Variants in CCNL2 observed in about 807,000 individuals in gnomAD.
CCNL2 encodes cyclin-L2.
CCNL2 carries 28 observed loss-of-function variants against 59.1 expected under a neutral mutation model. The ratio of observed to expected loss-of-function variants is 0.47; its 90% CI spans 0.35 to 0.65. CCNL2 has a LOEUF of 0.65. Among genes scored for constraint, CCNL2 ranks in the 30% least tolerant of loss-of-function variants. CCNL2 has a pLI of 0.00. For missense variants in CCNL2, 714 were observed against 717.4 expected (o/e 1.00, Z 0.05); for synonymous variants, 342 against 288.6 (o/e 1.19, Z -1.88).
In CCNL2 at chr1:1,387,959, C is replaced by A. The variant is rs1207337890; in HGVS notation, c.1113G>T (p.Val371=). ...GGGCAGCCCTGGGGTCCTACCCGTT[C>A]ACGGGGCTGTCCGCCTTGGCTTTCT... The part of the protein sequence containing the change: ...GAKKAKADSP[V]NGLPKGRESR... The change falls in exon 9 of 11, where the codon GTG becomes GTT. Residue 371 remains valine (V), a synonymous_variant. Coordinates refer to ENST00000400809, the MANE Select transcript of CCNL2 (RefSeq NM_030937.6). 6.2e-7 allele frequency: 1 copy of A among 1,614,064 alleles called. No homozygotes were observed. Among genetic ancestry groups the A allele is most frequent in the Admixed American group, 1.7e-5 (1 of 60,034 alleles).
chr1:1,398,202 A>G (rs1645154362), intron 3 of CCNL2, 31 bp downstream of exon 3: 3 of 1,604,812 alleles, frequency 1.9e-6, no homozygotes, highest in Non-Finnish European at 2.6e-6. Context: ...ATAGGCATCT[A>G]TGATAGACTA....
chr1:1,387,239 G>A lies in CCNL2; in HGVS notation c.1555C>T (p.Arg519Trp), dbSNP rs754399672. The A allele has an allele frequency of 1.1e-5, 17 of 1,601,488 alleles. No homozygotes were observed. The highest frequency in any genetic ancestry group is 3.3e-5 in the South Asian group (3 of 90,998). The change falls in exon 11 of 11, where the codon CGG becomes TGG. Residue 519 changes from arginine to tryptophan, a missense_variant. Coordinates refer to ENST00000400809, the MANE Select transcript of CCNL2 (RefSeq NM_030937.6). ...GTCACTGCAACCCCGCCTCACCTCC[G>A]ATGCCTGCTGTGCCCAGGGTGGTCC... The part of the protein sequence containing the change: ...ERDHPGHSRH[R>W]R
chr1:1,398,455 A>C, intron 2 of CCNL2, 113 bp from the exon 3 acceptor site: 1 of 1,571,960 alleles, frequency 6.4e-7, no homozygotes. Context: ...CCAGGGGAAA[A>C]AAAAAGTCAA....
At chr1:1,397,072 G>A (rs111376007) in intron 3 of CCNL2, among the ~76,000 whole-genome samples, 3,159 of 152,204 alleles carry the variant, frequency 0.021, 79 homozygotes, top group African/African-American at 0.056. Context: ...AATAGGGACA[G>A]GGTTTCACCA....
chr1:1,399,047 G>A lies in CCNL2; in HGVS notation c.260C>T (p.Ala87Val), dbSNP rs779930541. ...LRVVGCELIQ[A>V]AGILLRLPQV... The stretch of plus-strand genomic sequence containing the variant: ...CGGCAGGCGGAGCAGGATACCGGCC[G>A]CCTGGATGAGCTCGCAGCCCACCAC... The change falls in exon 1 of 11, where the codon GCG becomes GTG. Residue 87 changes from alanine (A) to valine (V), a missense_variant. Physicochemically the swap from Ala to Val is moderately conservative, Grantham distance 64. Transcript: ENST00000400809. 71 of 1,601,846 alleles carry A rather than the reference G, an allele frequency of 4.4e-5. No homozygotes were observed. Among genetic ancestry groups the A allele is most frequent in the Non-Finnish European group, 5.4e-5 (64 of 1,175,946 alleles).
chr1:1,390,658 T>C (rs1471485885), intron 6 of CCNL2, 95 bp from the exon 7 acceptor site: 6 of 1,477,038 alleles, frequency 4.1e-6, no homozygotes, highest in Non-Finnish European at 5.7e-6. Flanking sequence ...GTCACGAAAA[T>C]GCTTTGGCCC....
At chr1:1,398,005 GC>G (rs1323012443) in intron 3 of CCNL2, among the ~76,000 whole-genome samples, 6 of 152,178 alleles carry the variant, frequency 3.9e-5, no homozygotes, top group African/African-American at 1.2e-4. Flanking sequence ...CAGCCCCAGC[GC>G]GACCCGCCAC....
At chr1:1,388,420 C>T in intron 8 of CCNL2, 1 of 427,060 alleles carries the variant, frequency 2.3e-6, no homozygotes, top group South Asian at 1.7e-5. Flanking sequence ...ACTCCAGAGG[C>T]TGAAGCAGAA....
At chr1:1,395,158 A>C (rs945811947) in intron 4 of CCNL2, 2 of 459,408 alleles carry the variant, frequency 4.4e-6, no homozygotes, top group Non-Finnish European at 7.7e-6. Context: ...TTGAAAGCCC[A>C]AACTTAAATA....
At chr1:1,388,770 C>CAG (rs1644603854) in intron 8 of CCNL2, 1 of 162,000 alleles carries the variant, frequency 6.2e-6, no homozygotes, top group Non-Finnish European at 1.1e-5. Context: ...GACTCCGTCT[C>CAG]AGAAAAAAAA....
chr1:1,395,172 C>A, intron 4 of CCNL2: 1 of 471,850 alleles, frequency 2.1e-6, no homozygotes. Context: ...TTAAATAATA[C>A]CATTTCCAAA....
In CCNL2 at chr1:1,399,179, G is replaced by C; in HGVS notation, c.128C>G (p.Ser43Cys). ...GTTCTCCAAGGTGATGAGCACCCCGGAGTACAGCCTGTCCCCGATCAGCAC... is the reference window on the plus strand; with the variant it reads ...GTTCTCCAAGGTGATGAGCACCCCGCAGTACAGCCTGTCCCCGATCAGCAC... ...QGVLIGDRLY[S>C]GVLITLENCL... Residue 43 changes from serine (S) to cysteine (C), a missense_variant, in exon 1 of 11, where the codon TCC becomes TGC. Around this residue, in one of 5 missense-constraint regions of CCNL2, gnomAD observed 270 missense variants for 254.9 expected, o/e 1.06. Coordinates refer to ENST00000400809, the MANE Select transcript of CCNL2 (RefSeq NM_030937.6). 6.2e-7 allele frequency: 1 copy of C among 1,610,894 alleles called. No individual in the cohort carries two copies. Among genetic ancestry groups the C allele is most frequent in the Non-Finnish European group, 8.5e-7 (1 of 1,179,062 alleles).
chr1:1,388,316 A>G (rs1337627253), intron 8 of CCNL2: 4 of 481,448 alleles, frequency 8.3e-6, no homozygotes, highest in African/African-American at 3.9e-5. Flanking sequence ...AAGTCAATAC[A>G]TTGAGACCAT....
intron 8 of CCNL2, 132 bp from the exon 9 acceptor site, chr1:1,388,197 G>C: frequency 1.4e-6 from 1 of 695,734 alleles, no homozygotes; most frequent in Non-Finnish European, 2.5e-6. Context: ...CCGGCTCCCA[G>C]CTGGGACCCA....
At position 1,399,207 on chromosome 1, in the gene CCNL2, C is replaced by A. The variant is rs767584204; in HGVS notation, c.100G>T (p.Gly34Trp). 3 of 1,606,120 alleles carry A rather than the reference C, an allele frequency of 1.9e-6. No homozygotes were observed. The highest frequency in any genetic ancestry group is 2.5e-6 in the Non-Finnish European group (3 of 1,177,442). Residue 34 changes from glycine to tryptophan, a missense_variant, in exon 1 of 11, where the codon GGG becomes TGG. Around this residue, in one of 5 missense-constraint regions of CCNL2, gnomAD observed 270 missense variants for 254.9 expected, o/e 1.06. Coordinates refer to ENST00000400809, the MANE Select transcript of CCNL2 (RefSeq NM_030937.6). ...TACAGCCTGTCCCCGATCAGCACCC[C>A]CTGCGACCCTGAGGGTGCGCCCCCA... ...GSGGAPSGSQ[G>W]VLIGDRLYSG...
In CCNL2 at chr1:1,398,680, G is replaced by C; in HGVS notation, c.289-9C>G. 2 of 1,592,414 alleles carry C rather than the reference G, an allele frequency of 1.3e-6. No individual in the cohort carries two copies. Among genetic ancestry groups the C allele is most frequent in the East Asian group, 2.2e-5 (1 of 44,564 alleles). On this transcript the variant is annotated splice_polypyrimidine_tract_variant and intron_variant, in intron 1 of 10. Coordinates refer to ENST00000400809, the MANE Select transcript of CCNL2 (RefSeq NM_030937.6). ...CCGGTAGCCATGGCCACCTAGAGTAGAAGAAAGTTTCCGTATTTTCAAACG... is the reference window on the plus strand; with the variant it reads ...CCGGTAGCCATGGCCACCTAGAGTACAAGAAAGTTTCCGTATTTTCAAACG...
At chr1:1,388,665 G>C (rs1472017505) in intron 8 of CCNL2, 11 of 427,856 alleles carry the variant, frequency 2.6e-5, no homozygotes, top group Non-Finnish European at 4.6e-5. Flanking sequence ...CAGCTACTTG[G>C]GAGGCTGAGG....
At chr1:1,398,184 TAAAG>T (rs1380395485) in intron 3 of CCNL2, 45 bp downstream of exon 3, 33 of 1,553,366 alleles carry the variant, frequency 2.1e-5, no homozygotes, top group Non-Finnish European at 2.6e-5. Context: ...TAATCAGAAA[TAAAG>T]AAAATAGGCA....
At chr1:1,398,095 G>C (rs1489620064) in intron 3 of CCNL2, 138 bp downstream of exon 3, 3 of 776,288 alleles carry the variant, frequency 3.9e-6, no homozygotes, top group East Asian at 5.3e-5. Flanking sequence ...TGTTGGTGGA[G>C]CTTGAGACTG....
Sources: gnomAD v4.1 joint callset for allele counts (sites outside exome capture counted in the v4.1 genomes callset) on GRCh38, gnomAD v4.1.1 for gene constraint, gnomAD v4.1.1 regional missense constraint, MANE v1.5 for transcripts, NCBI Gene and HGNC (gene_info 2026-07-23, HGNC 2026-07-21) for gene names.